HAND1: variants seen among roughly 807,000 people sequenced by gnomAD.
The protein encoded by HAND1 is heart- and neural crest derivatives-expressed protein 1.
In HAND1, 10 loss-of-function variants were observed where a neutral mutation model predicts 14.5. That is an observed-to-expected ratio of 0.69 (90% CI 0.42 to 1.17). HAND1 has a LOEUF of 1.17. HAND1 is among the 50% of genes most tolerant of loss of function. The pLI is 0.00. For missense variants in HAND1, 299 were observed against 298.4 expected, an observed-to-expected ratio of 1.00 and a Z score of -0.01; for synonymous variants, 128 against 127.1, an observed-to-expected ratio of 1.01 and a Z score of -0.05.
In HAND1 at chr5:154,478,058, T is replaced by A. The variant is rs1439046361; in HGVS notation, c.-50A>T. On this transcript the variant is annotated 5_prime_UTR_variant, in exon 1 of 2. It removes an upstream start codon present in the reference 5' UTR. Transcript: ENST00000231121. The surrounding 1 kb of genome is among the most constrained non-coding windows in gnomAD (Gnocchi z 4.5). Reference sequence around the variant, plus strand: ...CGCCAGCCCTATTAACGCCGCTCCATGCGCCCCAGAGACTGCCGGGGGCCA... The same window carrying A: ...CGCCAGCCCTATTAACGCCGCTCCAAGCGCCCCAGAGACTGCCGGGGGCCA... The A allele has an allele frequency of 6.3e-7, 1 of 1,593,984 alleles. No individual in the cohort carries two copies. The highest frequency in any genetic ancestry group is 1.1e-5 in the South Asian group (1 of 90,878).
intron 1 of HAND1, 64 bp downstream of exon 1, chr5:154,477,402 C>T: frequency 1.6e-6 from 2 of 1,282,804 alleles, no homozygotes; most frequent in Non-Finnish European, 2.3e-6. Context: ...CGACTACCTG[C>T]ATGGCCTGAG....
chr5:154,475,991 G>C (rs895923417), intron 1 of HAND1, 81 bp from the exon 2 acceptor site: 16 of 1,028,936 alleles, frequency 1.6e-5, no homozygotes, highest in Non-Finnish European at 2.3e-5. Context: ...CATGGGGTAA[G>C]ATGAGGAGGA....
intron 1 of HAND1, 55 bp from the exon 2 acceptor site, chr5:154,475,965 T>G: frequency 7.2e-7 from 1 of 1,385,000 alleles, no homozygotes; most frequent in Non-Finnish European, 1.0e-6. Context: ...TTAATTTTTC[T>G]GCTCCGATCG....
Position 154,477,472 on chromosome 5 carries a change from C to A in HAND1, c.537G>T (p.Arg179Ser). ...ADGGRESKRK[R>S]ELQQHEGFPP... Reference sequence around the variant, plus strand: ...TGCAAGCCCCAGGACTCACCAGCTCCCTTTTCCGCTTGCTCTCACGGCCGC... The same window carrying A: ...TGCAAGCCCCAGGACTCACCAGCTCACTTTTCCGCTTGCTCTCACGGCCGC... The change falls in exon 1 of 2, where the codon AGG becomes AGT. Residue 179 changes from arginine to serine, a missense_variant. Transcript: ENST00000231121. 6.2e-7 allele frequency: 1 copy of A among 1,613,854 alleles called. No individual in the cohort carries two copies.
chr5:154,477,952 C>A lies in HAND1; in HGVS notation c.57G>T (p.Ala19=). The stretch of plus-strand genomic sequence containing the variant: ...GGAAGGGTTCGTGGAGCATGGGGTG[C>A]GCAGGGTGCGGGTGGTGATGGTGGT... ...HHHHHHHPHP[A]HPMLHEPFLF... is the part of the protein sequence containing the mutation. Residue 19 remains alanine, a synonymous_variant, in exon 1 of 2, where the codon GCG becomes GCT. Coordinates refer to ENST00000231121, the MANE Select transcript of HAND1 (RefSeq NM_004821.3). The A allele has an allele frequency of 6.3e-7, 1 of 1,598,396 alleles. No individual in the cohort carries two copies. The highest frequency in any genetic ancestry group is 2.2e-5 in the East Asian group (1 of 44,840).
At position 154,478,080 on chromosome 5, in the gene HAND1, G is replaced by A. The variant is rs181499341; in HGVS notation, c.-72C>T. On this transcript the variant is annotated 5_prime_UTR_variant, in exon 1 of 2. Transcript: ENST00000231121. The surrounding 1 kb of genome is among the most constrained non-coding windows in gnomAD (Gnocchi z 4.5). Reference sequence around the variant, plus strand: ...CCATGCGCCCCAGAGACTGCCGGGGGCCACCTGTGGGCTCTGGAGCCACTA... The same window carrying A: ...CCATGCGCCCCAGAGACTGCCGGGGACCACCTGTGGGCTCTGGAGCCACTA... 0.028 allele frequency: 43,353 copies of A among 1,560,226 alleles called. 682 individuals carry two copies. Among genetic ancestry groups the A allele is most frequent in the Middle Eastern group, 0.043 (190 of 4,404 alleles).
chr5:154,476,291 C>A (rs1757540572), intron 1 of HAND1, among the ~76,000 whole-genome samples: 2 of 152,192 alleles, frequency 1.3e-5, no homozygotes, highest in Admixed American at 1.3e-4. Context: ...CTTCCGCCAG[C>A]CTCCCAACCT....
chr5:154,478,110 G>A lies in HAND1; in HGVS notation c.-102C>T. On this transcript the variant is annotated 5_prime_UTR_variant, in exon 1 of 2. Coordinates refer to ENST00000231121, the MANE Select transcript of HAND1 (RefSeq NM_004821.3). This position sits in a 1 kb window ranked among gnomAD's most constrained non-coding sequence, Gnocchi z 4.5. Reference sequence around the variant, plus strand: ...CTGTGGGCTCTGGAGCCACTACTGGGCGCCGGCTTTGGGAGAGTCCGGGCA... The same window carrying A: ...CTGTGGGCTCTGGAGCCACTACTGGACGCCGGCTTTGGGAGAGTCCGGGCA... 2 of 1,384,928 alleles carry A rather than the reference G, an allele frequency of 1.4e-6. No homozygotes were observed. The highest frequency in any genetic ancestry group is 2.0e-6 in the Non-Finnish European group (2 of 995,006). The allele number at this position is 1,384,928 out of a possible 1,614,324, so 85.8% of individuals were successfully genotyped here. A position where few individuals can be genotyped will look rare whatever the true frequency, so the allele number is the denominator to read the frequency against.
rs779223514 is a variant in HAND1 at position 154,475,905 on chromosome 5, C to T, written c.549G>A (p.Gln183=). 1.9e-6 allele frequency: 3 copies of T among 1,612,104 alleles called. No homozygotes were observed. The East Asian group carries it at 6.7e-5, about 36-fold the overall frequency. ...CCAGGGCAGGAGGAAAACCTTCGTG[C>T]TGCTGCTGCCAAAGGACACACAGAA... ...RESKRKRELQ[Q]HEGFPPALGP... is the part of the protein sequence containing the mutation. Residue 183 remains glutamine, a synonymous_variant, in exon 2 of 2, where the codon CAG becomes CAA. Coordinates refer to ENST00000231121, the MANE Select transcript of HAND1 (RefSeq NM_004821.3).
intron 1 of HAND1, 83 bp from the exon 2 acceptor site, chr5:154,475,993 T>C: frequency 4.9e-6 from 5 of 1,018,042 alleles, no homozygotes; most frequent in African/African-American, 1.6e-5. Context: ...TGGGGTAAGA[T>C]GAGGAGGAGG....
Position 154,477,889 on chromosome 5 carries a change from G to A in HAND1, c.120C>T (p.Pro40=). 1 of 1,600,738 alleles carries A rather than the reference G, an allele frequency of 6.2e-7. No homozygotes were observed. Among genetic ancestry groups the A allele is most frequent in the Non-Finnish European group, 8.5e-7 (1 of 1,179,836 alleles). ...GGCTCAGCAGCCAGCTCTGGAAGTA[G>A]GGCCTTTCCTGATGACAGCGCGAGG... The part of the protein sequence containing the change: ...GPASRCHQER[P]YFQSWLLSPA... Residue 40 remains proline (P), a synonymous_variant, in exon 1 of 2, where the codon CCC becomes CCT. Transcript: ENST00000231121.
At chr5:154,476,890 G>A (rs1757550983) in intron 1 of HAND1, among the ~76,000 whole-genome samples, 1 of 152,184 alleles carries the variant, frequency 6.6e-6, no homozygotes, top group African/African-American at 2.4e-5. Context: ...CTCAGAACCA[G>A]TCCATGGGGA....
At position 154,475,912 on chromosome 5, in the gene HAND1, T is replaced by C. The variant is rs373231895; in HGVS notation, c.544-2A>G. 6.8e-6 allele frequency: 11 copies of C among 1,611,064 alleles called. No individual in the cohort carries two copies. Among genetic ancestry groups the C allele is most frequent in the Non-Finnish European group, 8.5e-6 (10 of 1,177,302 alleles). ...AGGAGGAAAACCTTCGTGCTGCTGC[T>C]GCCAAAGGACACACAGAAGAAAAGA... is the stretch of plus-strand genomic sequence containing the variant. On this transcript the variant is annotated splice_acceptor_variant, in intron 1 of 1. Transcript: ENST00000231121. LOFTEE classifies it high-confidence loss of function.
In HAND1 at chr5:154,475,665, C is replaced by G; in HGVS notation, c.*141G>C. ...CAAGTGTGTGGTTGCAGCCGACGAC[C>G]TGCCGGCGCTCAGCAGAAGCTCCGC... On this transcript the variant is annotated 3_prime_UTR_variant, in exon 2 of 2. Coordinates refer to ENST00000231121, the MANE Select transcript of HAND1 (RefSeq NM_004821.3). 2.9e-6 allele frequency: 2 copies of G among 684,408 alleles called. No homozygotes were observed. The highest frequency in any genetic ancestry group is 1.6e-5 in the South Asian group (1 of 62,576). 42.4% of individuals were successfully genotyped at this position (684,408 alleles called of 1,614,324 possible).
Position 154,475,917 on chromosome 5 carries a change from A to G in HAND1, c.544-7T>C. 6.2e-7 allele frequency: 1 copy of G among 1,608,518 alleles called. No individual in the cohort carries two copies. Among genetic ancestry groups the G allele is most frequent in the Non-Finnish European group, 8.5e-7 (1 of 1,174,910 alleles). On this transcript the variant is annotated splice_region_variant and splice_polypyrimidine_tract_variant and intron_variant, in intron 1 of 1. Transcript: ENST00000231121. Reference sequence around the variant, plus strand: ...GAAAACCTTCGTGCTGCTGCTGCCAAAGGACACACAGAAGAAAAGAGGCGG... The same window carrying G: ...GAAAACCTTCGTGCTGCTGCTGCCAGAGGACACACAGAAGAAAAGAGGCGG...
In HAND1 at chr5:154,477,726, G is replaced by A. The variant is rs756183625; in HGVS notation, c.283C>T (p.Arg95Trp). ...LEALGGRLGR[R>W]KGSGPKKERR... ...TCCTTCTTGGGTCCTGAGCCTTTCC[G>A]CCGGCCAAGACGGCCGCCAAGCGCC... The change falls in exon 1 of 2, where the codon CGG becomes TGG. Residue 95 changes from arginine to tryptophan, a missense_variant. Arg to Trp is a moderately radical substitution (Grantham distance 101). Coordinates refer to ENST00000231121, the MANE Select transcript of HAND1 (RefSeq NM_004821.3). 2 of 1,613,346 alleles carry A rather than the reference G, an allele frequency of 1.2e-6. No individual in the cohort carries two copies. Among genetic ancestry groups the A allele is most frequent in the East Asian group, 2.2e-5 (1 of 44,866 alleles).
chr5:154,477,938 T>A lies in HAND1; in HGVS notation c.71A>T (p.His24Leu). Residue 24 changes from histidine to leucine, a missense_variant, in exon 1 of 2, where the codon CAC (histidine) becomes CTC (leucine). Coordinates refer to ENST00000231121, the MANE Select transcript of HAND1 (RefSeq NM_004821.3). ...HHPHPAHPML[H>L]EPFLFGPASR... ...GGCCGGACCGAAGAGGAAGGGTTCG[T>A]GGAGCATGGGGTGCGCAGGGTGCGG... 6.3e-7 allele frequency: 1 copy of A among 1,598,658 alleles called. No homozygotes were observed. The highest frequency in any genetic ancestry group is 8.5e-7 in the Non-Finnish European group (1 of 1,179,858).
Position 154,476,338 on chromosome 5 carries a change from C to T in HAND1, c.544-428G>A, listed in dbSNP as rs1757542028. Among the ~76,000 whole-genome samples the T allele has an allele frequency of 2.0e-5, 3 of 152,266 alleles. 1 individual carries two copies. The highest frequency in any genetic ancestry group is 2.0e-4 in the Admixed American group (3 of 15,306). On this transcript the variant is annotated intron_variant, in intron 1 of 1. Coordinates refer to ENST00000231121, the MANE Select transcript of HAND1 (RefSeq NM_004821.3). ...CAGGGCTTGGATGCAGGCTTGGGGC[C>T]CCCTAAGCCGGAGCTGGGAGCCTCA... is the stretch of plus-strand genomic sequence containing the variant.
At position 154,477,783 on chromosome 5, in the gene HAND1, C is replaced by A. The variant is rs767888040; in HGVS notation, c.226G>T (p.Ala76Ser). ...CGCCCGGGGCTCTGCCCAGGCCTGGCGTCAGGACCATAGGCGGTGGCGGCT... is the reference window on the plus strand; with the variant it reads ...CGCCCGGGGCTCTGCCCAGGCCTGGAGTCAGGACCATAGGCGGTGGCGGCT... ...AAAATAYGPD[A>S]RPGQSPGRLE... is the part of the protein sequence containing the mutation. The change falls in exon 1 of 2, where the codon GCC (alanine) becomes TCC (serine). Residue 76 changes from alanine to serine, a missense_variant. Ala to Ser is a moderately conservative substitution (Grantham distance 99, BLOSUM62 1). Coordinates refer to ENST00000231121, the MANE Select transcript of HAND1 (RefSeq NM_004821.3). The A allele has an allele frequency of 6.3e-7, 1 of 1,598,604 alleles. No individual in the cohort carries two copies. The highest frequency in any genetic ancestry group is 1.3e-5 in the African/African-American group (1 of 74,692).
Sources: allele counts gnomAD v4.1 joint callset (sites outside exome capture counted in the v4.1 genomes callset), GRCh38; gene constraint gnomAD v4.1.1; non-coding constraint Gnocchi (gnomAD v3.1); transcripts MANE v1.5; gene names NCBI Gene and HGNC (gene_info 2026-07-23, HGNC 2026-07-21).